Variants in ATR observed in about 807,000 individuals in gnomAD.
ATR encodes ATR checkpoint kinase.
ATR carries 142 observed loss-of-function variants against 305.3 expected under a neutral mutation model. That is an observed-to-expected ratio of 0.47 (90% confidence interval 0.41 to 0.53). The LOEUF is 0.53. Ranked by LOEUF, ATR falls within the 20% of genes least tolerant of loss-of-function variation. The pLI is 0.00. For missense variants in ATR, 2,135 were observed against 3,133.1 expected (o/e 0.68, Z 7.60); for synonymous variants, 1,050 against 1,068.1 (o/e 0.98, Z 0.33).
In ATR at chr3:142,542,740, G is replaced by A; in HGVS notation, c.3375C>T (p.Pro1125=). 1 of 1,612,440 alleles carries A rather than the reference G, an allele frequency of 6.2e-7. No individual in the cohort carries two copies. The highest frequency in any genetic ancestry group is 8.5e-7 in the Non-Finnish European group (1 of 1,179,006). ...SPELMADYLQ[P]KLLGILAFFN... ...AAAAAGCCAAAATGCCCAACAATTT[G>A]GGTTGTAAATAATCAGCCTAAGAAA... is the stretch of plus-strand genomic sequence containing the variant. The change falls in exon 17 of 47, where the codon CCC becomes CCT. Residue 1125 remains proline (P), a synonymous_variant. Coordinates refer to ENST00000350721, the MANE Select transcript of ATR (RefSeq NM_001184.4).
rs2031101525 is a variant in ATR, at chr3:142,488,713, C to G, written c.6079-3431G>C. Among the ~76,000 whole-genome samples the G allele has an allele frequency of 2.0e-5, 3 of 152,090 alleles. No individual in the cohort carries two copies. The South Asian group carries it at 6.2e-4, about 32-fold the overall frequency. ...ACTTTTTAGAAGTCAAAGATTATTT[C>G]AAATTAAAACTGAAAAAATGAAAGG... is the stretch of plus-strand genomic sequence containing the variant. On this transcript the variant is annotated intron_variant, in intron 35 of 46. Coordinates refer to ENST00000350721, the MANE Select transcript of ATR (RefSeq NM_001184.4).
At chr3:142,518,448 T>C (rs1405726081) in intron 24 of ATR, among the ~76,000 whole-genome samples, 1 of 152,070 alleles carries the variant, frequency 6.6e-6, no homozygotes, top group African/African-American at 2.4e-5. Flanking sequence ...ACCCAGGAGG[T>C]AGAGGCTGCA....
intron 33 of ATR, 31 bp from the exon 34 acceptor site, chr3:142,496,551 A>G: frequency 6.3e-7 from 1 of 1,597,320 alleles, no homozygotes; most frequent in Non-Finnish European, 8.6e-7. Flanking sequence ...TTGGTGAGAG[A>G]GACCATTGGT....
At chr3:142,511,496 A>G (rs2032564592) in intron 27 of ATR, among the ~76,000 whole-genome samples, 1 of 151,852 alleles carries the variant, frequency 6.6e-6, no homozygotes, top group Non-Finnish European at 1.5e-5. Context: ...TCTCTACTAA[A>G]AATACAAAAA....
chr3:142,531,903 C>T (rs2108416922), intron 21 of ATR, among the ~76,000 whole-genome samples: 1 of 152,338 alleles, frequency 6.6e-6, no homozygotes, highest in East Asian at 1.9e-4. Context: ...TTCCCCACAT[C>T]CTCTCCAGCA....
At chr3:142,506,371 A>T (rs2032236277) in intron 28 of ATR, among the ~76,000 whole-genome samples, 1 of 152,198 alleles carries the variant, frequency 6.6e-6, no homozygotes, top group African/African-American at 2.4e-5. Flanking sequence ...GAAAGATTGA[A>T]TTTTGACAGG....
At chr3:142,464,632 A>T (rs1231374165) in intron 41 of ATR, among the ~76,000 whole-genome samples, 3 of 152,196 alleles carry the variant, frequency 2.0e-5, no homozygotes, top group African/African-American at 7.2e-5. Flanking sequence ...ATAAAAGGAG[A>T]AATACTGCAC....
At chr3:142,497,800 T>C (rs2031733523) in intron 32 of ATR, among the ~76,000 whole-genome samples, 1 of 152,142 alleles carries the variant, frequency 6.6e-6, no homozygotes, top group Non-Finnish European at 1.5e-5. Flanking sequence ...CTGGTGCTAC[T>C]ATAAGAGGGC....
At chr3:142,495,341 C>A (rs1256478181) in intron 34 of ATR, among the ~76,000 whole-genome samples, 1 of 152,184 alleles carries the variant, frequency 6.6e-6, no homozygotes, top group Admixed American at 6.5e-5. Flanking sequence ...ATGGCACCAA[C>A]AATAGTTGCT....
At chr3:142,465,032 A>G in intron 41 of ATR, 65 bp downstream of exon 41, 1 of 1,118,944 alleles carries the variant, frequency 8.9e-7, no homozygotes, top group Non-Finnish European at 1.2e-6. Context: ...CTGGTTTTAT[A>G]ATAGTCAAAA....
intron 28 of ATR, 56 bp downstream of exon 28, chr3:142,507,875 A>G (rs2032338767): frequency 1.4e-6 from 2 of 1,466,662 alleles, no homozygotes; most frequent in South Asian, 2.3e-5. Context: ...CAACATAAAC[A>G]TAAAAGACTG....
intron 24 of ATR, among the ~76,000 whole-genome samples, chr3:142,518,998 T>A (rs1278887387): frequency 6.6e-6 from 1 of 152,188 alleles, no homozygotes; most frequent in Non-Finnish European, 1.5e-5. Flanking sequence ...TTGGGCCTAC[T>A]AAAGGCTTTC....
intron 8 of ATR, among the ~76,000 whole-genome samples, chr3:142,557,558 T>C (rs2034716612): frequency 6.6e-6 from 1 of 152,076 alleles, no homozygotes; most frequent in Non-Finnish European, 1.5e-5. Context: ...GTAAAAGTAA[T>C]AGAACATTCA....
rs759599412 is a variant in ATR, at chr3:142,497,145, T to C, written c.5606A>G (p.Gln1869Arg). 6.2e-7 allele frequency: 1 copy of C among 1,614,104 alleles called. No individual in the cohort carries two copies. Among genetic ancestry groups the C allele is most frequent in the Non-Finnish European group, 8.5e-7 (1 of 1,179,988 alleles). Residue 1869 changes from glutamine (Q) to arginine (R), a missense_variant, in exon 33 of 47, where the codon CAG (glutamine) becomes CGG (arginine). This residue lies in a region of ATR where 117 missense variants were observed against 198.3 expected (regional missense o/e 0.59). Transcript: ENST00000350721. ...TTGAGAACTGTCACCTGGAGAATGC[T>C]GGAAAAGTGGTTTGATGCTATGCTC... ...ELEHSIKPLF[Q>R]HSPGDSSQED...
intron 5 of ATR, 25 bp downstream of exon 5, chr3:142,561,218 A>G (rs2034865969): frequency 6.2e-7 from 1 of 1,607,096 alleles, no homozygotes; most frequent in Non-Finnish European, 8.5e-7. Flanking sequence ...ATGGCTAAAT[A>G]CAAACTGAAT....
intron 1 of ATR, 93 bp from the exon 2 acceptor site, chr3:142,568,247 C>G: frequency 1.1e-6 from 1 of 908,328 alleles, no homozygotes; most frequent in Non-Finnish European, 1.8e-6. Flanking sequence ...CAAATGTGTT[C>G]AGTGTCAATG....
rs1258367105 is a variant in ATR at position 142,555,898 on chromosome 3, T to A, written c.2320A>T (p.Ile774Leu). The change falls in exon 10 of 47, where the codon ATA becomes TTA. Residue 774 changes from isoleucine (I) to leucine (L), a missense_variant. Physicochemically the swap from Ile to Leu is conservative, Grantham distance 5. Transcript: ENST00000350721. ...TCACCAAGTTTTACTGGACTAGGTA[T>A]TTTTTTTTTCAGTAGGAAAAGGAAT... ...KPFLFLLKKK[I>L]PSPVKLAFID... The A allele has an allele frequency of 5.9e-6, 9 of 1,532,492 alleles. No homozygotes were observed. Among genetic ancestry groups the A allele is most frequent in the Non-Finnish European group, 8.0e-6 (9 of 1,124,830 alleles). 94.9% of individuals were successfully genotyped at this position (1,532,492 alleles called of 1,614,324 possible).
Position 142,540,899 on chromosome 3 carries a change from T to C in ATR, c.3581+5A>G, listed in dbSNP as rs369917154. 76 of 1,606,718 alleles carry C rather than the reference T, an allele frequency of 4.7e-5. No individual in the cohort carries two copies. The African/African-American group carries it at 9.0e-4, about 19-fold the overall frequency. On this transcript the variant is annotated splice_donor_5th_base_variant and intron_variant, in intron 18 of 46. Transcript: ENST00000350721. ...AAAAATTAATAAACTCAGGCAGTCA[T>C]TTACCTGCAACACAATTCAGGAAAA... is the stretch of plus-strand genomic sequence containing the variant.
At chr3:142,470,862 T>C (rs2071246562) in intron 36 of ATR, among the ~76,000 whole-genome samples, 1 of 152,066 alleles carries the variant, frequency 6.6e-6, no homozygotes, top group South Asian at 2.1e-4. Context: ...AAGTTAAAGT[T>C]CTCTCCTTCT....
Sources: gnomAD v4.1 joint callset for allele counts (sites outside exome capture counted in the v4.1 genomes callset) on GRCh38, gnomAD v4.1.1 for gene constraint, gnomAD v4.1.1 regional missense constraint, MANE v1.5 for transcripts, NCBI Gene and HGNC (gene_info 2026-07-23, HGNC 2026-07-21) for gene names.